Variants in DPYS observed in about 807,000 individuals in gnomAD.
The protein encoded by DPYS is dihydropyrimidine amidohydrolase.
DPYS carries 39 observed loss-of-function variants against 50.3 expected under a neutral mutation model. The observed-to-expected ratio is 0.78, with a 90% CI of 0.60 to 1.01. The LOEUF is 1.01. Among genes scored for constraint, DPYS ranks in the 50% least tolerant of loss-of-function variants. The pLI is 0.00. For missense variants in DPYS, 659 were observed against 680.9 expected, an observed-to-expected ratio of 0.97 and a Z score of 0.36; for synonymous variants, 245 against 250.7, an observed-to-expected ratio of 0.98 and a Z score of 0.22.
Position 104,448,084 on chromosome 8 carries a change from G to A in DPYS, c.424-581C>T, listed in dbSNP as rs1813602289. The stretch of plus-strand genomic sequence containing the variant: ...CTGGAGACTCCACTCTGGATCCGTT[G>A]GAAGCTCAGAGGCCTTCAGGGTTGC... On this transcript the variant is annotated intron_variant, in intron 2 of 9. Coordinates refer to ENST00000351513, the MANE Select transcript of DPYS (RefSeq NM_001385.3). 2.0e-5 allele frequency among the ~76,000 whole-genome samples: 3 copies of A among 152,280 alleles called. No homozygotes were observed. In the South Asian group the frequency reaches 6.2e-4, roughly 32 times the overall value.
intron 7 of DPYS, among the ~76,000 whole-genome samples, chr8:104,402,144 T>C (rs1811837584): frequency 6.6e-6 from 1 of 152,230 alleles, no homozygotes; most frequent in African/African-American, 2.4e-5. Context: ...AAATTGGATT[T>C]AGACATGAGC....
rs79080341 is a variant in DPYS, at chr8:104,381,251, TG to T, written c.1506del (p.Arg503GlufsTer2). 1.5e-4 allele frequency: 248 copies of T among 1,614,204 alleles called. 2 individuals carry two copies. The African/African-American group carries it at 2.7e-3, about 18-fold the overall frequency. On this transcript the variant is annotated frameshift_variant, in exon 9 of 10. Coordinates refer to ENST00000351513, the MANE Select transcript of DPYS (RefSeq NM_001385.3). LOFTEE classifies it high-confidence loss of function. ...PYKGEVATLK[S>X]RVTKEDATAG... ...GCTGTGGCATCTTCTTTTGTCACTC[TG>T]GATTTCAGTGTGGCGACTTCTCCCT...
intron 6 of DPYS, among the ~76,000 whole-genome samples, chr8:104,426,208 T>C (rs1289682159): frequency 1.3e-5 from 2 of 152,176 alleles, no homozygotes; most frequent in Non-Finnish European, 2.9e-5. Context: ...GATTCAACTA[T>C]CATCCAATAA....
At chr8:104,402,678 C>A (rs1198225732) in intron 7 of DPYS, among the ~76,000 whole-genome samples, 2 of 152,150 alleles carry the variant, frequency 1.3e-5, no homozygotes, top group African/African-American at 4.8e-5. Flanking sequence ...GTAAAACTCA[C>A]ACAACATCCT....
intron 7 of DPYS, among the ~76,000 whole-genome samples, chr8:104,403,175 C>A (rs1811877801): frequency 6.6e-6 from 1 of 152,184 alleles, no homozygotes; most frequent in Non-Finnish European, 1.5e-5. Flanking sequence ...CTCTCCAGAT[C>A]TGGCAGGGTG....
chr8:104,408,314 A>G (rs1490863192), intron 7 of DPYS, among the ~76,000 whole-genome samples: 2 of 152,262 alleles, frequency 1.3e-5, no homozygotes, highest in African/African-American at 4.8e-5. Context: ...TTTGCAAGAA[A>G]TGTGACAGAC....
intron 7 of DPYS, among the ~76,000 whole-genome samples, chr8:104,415,464 C>T (rs1016625734): frequency 6.6e-6 from 1 of 152,116 alleles, no homozygotes; most frequent in Non-Finnish European, 1.5e-5. Context: ...TTCTAGTTCA[C>T]TTGAAAGGTT....
At chr8:104,428,236 C>T in intron 5 of DPYS, 115 bp from the exon 6 acceptor site, 1 of 1,363,068 alleles carries the variant, frequency 7.3e-7, no homozygotes, top group Non-Finnish European at 1.0e-6. Flanking sequence ...TCAGAAAAAT[C>T]CAATGGAGAA....
At chr8:104,396,272 T>C (rs933476426) in intron 7 of DPYS, among the ~76,000 whole-genome samples, 2 of 152,170 alleles carry the variant, frequency 1.3e-5, no homozygotes, top group Non-Finnish European at 2.9e-5. Flanking sequence ...AAAGAAGATT[T>C]TTGGACTGAT....
chr8:104,431,552 C>T (rs904199087), intron 4 of DPYS, among the ~76,000 whole-genome samples: 2 of 151,664 alleles, frequency 1.3e-5, no homozygotes, highest in African/African-American at 4.8e-5. Context: ...CATGCAAGAA[C>T]TAAAAAGGGG....
At chr8:104,455,115 A>G (rs191690825) in intron 1 of DPYS, among the ~76,000 whole-genome samples, 252 of 152,306 alleles carry the variant, frequency 1.7e-3, no homozygotes, top group African/African-American at 4.6e-3. Context: ...CATTCTGCAC[A>G]TGTATCCCAG....
At chr8:104,398,955 A>G (rs1274685811) in intron 7 of DPYS, among the ~76,000 whole-genome samples, 3 of 152,214 alleles carry the variant, frequency 2.0e-5, no homozygotes, top group African/African-American at 4.8e-5. Flanking sequence ...TCATCTGATG[A>G]GCAGGCCATG....
chr8:104,449,965 C>G (rs936492470), intron 2 of DPYS, among the ~76,000 whole-genome samples: 5 of 152,088 alleles, frequency 3.3e-5, no homozygotes, highest in Non-Finnish European at 4.4e-5. Context: ...AACGAATAAC[C>G]CCCCTGAACA....
At chr8:104,430,348 T>C (rs1443288257) in intron 4 of DPYS, among the ~76,000 whole-genome samples, 1 of 147,094 alleles carries the variant, frequency 6.8e-6, no homozygotes, top group Non-Finnish European at 1.5e-5. Context: ...TTAAAAATCA[T>C]GCAAATGAGG....
intron 7 of DPYS, chr8:104,418,978 G>C (rs1324281395): frequency 1.0e-6 from 1 of 982,884 alleles, no homozygotes; most frequent in African/African-American, 1.7e-5. Flanking sequence ...GTGAATGAAG[G>C]AACACACAAA....
At chr8:104,416,820 A>G (rs1812385778) in intron 7 of DPYS, among the ~76,000 whole-genome samples, 1 of 152,144 alleles carries the variant, frequency 6.6e-6, no homozygotes, top group African/African-American at 2.4e-5. Context: ...AGCCATAACC[A>G]TCACTCTTTG....
At chr8:104,403,642 A>G (rs1811899843) in intron 7 of DPYS, among the ~76,000 whole-genome samples, 1 of 152,214 alleles carries the variant, frequency 6.6e-6, no homozygotes, top group African/African-American at 2.4e-5. Context: ...GAAGAAGATG[A>G]CCTATTTTCC....
intron 8 of DPYS, among the ~76,000 whole-genome samples, chr8:104,386,944 G>A (rs1285575616): frequency 6.6e-6 from 1 of 152,122 alleles, no homozygotes; most frequent in Non-Finnish European, 1.5e-5. Flanking sequence ...TAGATTTTCT[G>A]AAATTAGCAA....
intron 4 of DPYS, among the ~76,000 whole-genome samples, 163 bp downstream of exon 4, chr8:104,444,085 A>C (rs989520660): frequency 6.6e-6 from 1 of 152,226 alleles, no homozygotes; most frequent in African/African-American, 2.4e-5. Flanking sequence ...TGGAAAACAG[A>C]CACACATAAG....
Sources: gnomAD v4.1 joint callset for allele counts (sites outside exome capture counted in the v4.1 genomes callset) on GRCh38, gnomAD v4.1.1 for gene constraint, MANE v1.5 for transcripts, NCBI Gene and HGNC (gene_info 2026-07-23, HGNC 2026-07-21) for gene names.